The following NKD2 variants were observed in gnomAD, a reference collection of about 807,000 sequenced individuals.
NKD2 encodes the protein NKD inhibitor of Wnt signaling pathway 2, also known as protein naked cuticle homolog 2.
A neutral mutation model predicts 34.8 loss-of-function variants in NKD2; 43 were observed. The ratio of observed to expected loss-of-function variants is 1.24; its 90% CI spans 0.97 to 1.60. The LOEUF is 1.60. NKD2 is among the 40% of genes most tolerant of loss of function. The pLI is 0.00. For missense variants in NKD2, 675 were observed against 627.1 expected (o/e 1.08, Z -0.82); for synonymous variants, 278 against 265.1 (o/e 1.05, Z -0.47).
At position 1,008,961 on chromosome 5, in the gene NKD2, TGCTCCCGGCCCATGCGGCCCCCGCGG is replaced by T. The variant is rs1473014689; in HGVS notation, c.-85_-60del. 2.2e-3 allele frequency: 912 copies of T among 406,958 alleles called. 5 individuals carry two copies. Among genetic ancestry groups the T allele is most frequent in the East Asian group, 2.2e-3 (60 of 27,342 alleles). The allele number at this position is 406,958 out of a possible 1,614,324, so 25.2% of individuals were successfully genotyped here. ...CTCACCTCCTACCGGCACCCTAGCT[TGCTCCCGGCCCATGCGGCCCCCGCGG>T]GCTCCCGGCCCCGGCTTCAGAACTC... On this transcript the variant is annotated 5_prime_UTR_variant, in exon 1 of 10. It removes an upstream start codon present in the reference 5' UTR. Coordinates refer to ENST00000296849, the MANE Select transcript of NKD2 (RefSeq NM_033120.4).
intron 3 of NKD2, among the ~76,000 whole-genome samples, chr5:1,013,597 C>T (rs1312610519): frequency 6.6e-6 from 1 of 152,238 alleles, no homozygotes; most frequent in Non-Finnish European, 1.5e-5. Flanking sequence ...GTTTCTGTGC[C>T]AGCCTGGGCC....
chr5:1,020,669 CTTTTTTT>C (rs576773512), intron 3 of NKD2, among the ~76,000 whole-genome samples: 1 of 114,218 alleles, frequency 8.8e-6, no homozygotes, highest in South Asian at 2.7e-4. Flanking sequence ...TGTTGCTTGT[CTTTTTTT>C]TTTTTTTTTT....
At position 1,038,369 on chromosome 5, in the gene NKD2, C is replaced by A. The variant is rs1407708501; in HGVS notation, c.1352C>A (p.Ser451Tyr). The change falls in exon 10 of 10, where the codon TCC becomes TAC. Residue 451 changes from serine (S) to tyrosine (Y), a missense_variant. By Grantham distance (144) the Ser-to-Tyr change is moderately radical. Coordinates refer to ENST00000296849, the MANE Select transcript of NKD2 (RefSeq NM_033120.4). The surrounding 1 kb of genome is among the most constrained non-coding windows in gnomAD (Gnocchi z 4.5). ...CACCACCACCACCACTTCCACCCGT[C>A]CTAGCGCCACTGCCAAGCACACCTC... ...HHHHHHHFHP[S>Y] 2 of 1,535,880 alleles carry A rather than the reference C, an allele frequency of 1.3e-6. No homozygotes were observed. The highest frequency in any genetic ancestry group is 1.4e-5 in the African/African-American group (1 of 73,168).
At chr5:1,015,607 A>G (rs547409807) in intron 3 of NKD2, among the ~76,000 whole-genome samples, 2 of 152,264 alleles carry the variant, frequency 1.3e-5, no homozygotes, top group Non-Finnish European at 2.9e-5. Flanking sequence ...GGAGTTGGGG[A>G]AGCCTCAGGA....
intron 3 of NKD2, among the ~76,000 whole-genome samples, chr5:1,019,779 T>C (rs1756102981): frequency 6.6e-6 from 1 of 152,118 alleles, no homozygotes; most frequent in Admixed American, 6.5e-5. Flanking sequence ...CGCGGCAGGG[T>C]TCTTTCCAGC....
At position 1,008,978 on chromosome 5, in the gene NKD2, GC is replaced by G; in HGVS notation, c.-75del. The G allele has an allele frequency of 4.8e-6, 2 of 415,904 alleles. No individual in the cohort carries two copies. The highest frequency in any genetic ancestry group is 8.4e-6 in the Non-Finnish European group (2 of 237,836). 25.8% of individuals were successfully genotyped at this position (415,904 alleles called of 1,614,324 possible). A position where few individuals can be genotyped will look rare whatever the true frequency, so the allele number is the denominator to read the frequency against. On this transcript the variant is annotated 5_prime_UTR_variant, in exon 1 of 10. It removes the in-frame stop codon of an upstream open reading frame in the 5' UTR. Coordinates refer to ENST00000296849, the MANE Select transcript of NKD2 (RefSeq NM_033120.4). ...CCCTAGCTTGCTCCCGGCCCATGCG[GC>G]CCCCGCGGGCTCCCGGCCCCGGCTT...
At chr5:1,015,269 C>T (rs1404071878) in intron 3 of NKD2, among the ~76,000 whole-genome samples, 1 of 152,220 alleles carries the variant, frequency 6.6e-6, no homozygotes, top group Non-Finnish European at 1.5e-5. Flanking sequence ...CACAGCCTCC[C>T]TGGCGTGGCC....
At chr5:1,016,522 A>G (rs1158843642) in intron 3 of NKD2, among the ~76,000 whole-genome samples, 2 of 152,264 alleles carry the variant, frequency 1.3e-5, no homozygotes, top group South Asian at 2.1e-4. Context: ...AAAAAGCACG[A>G]AATATTGTAA....
chr5:1,036,745 G>T (rs778046138), intron 9 of NKD2: 6 of 483,720 alleles, frequency 1.2e-5, no homozygotes, highest in African/African-American at 9.8e-5. Context: ...GGAATCACCG[G>T]CTCAGTCAGC....
chr5:1,034,413 G>A lies in NKD2; in HGVS notation c.426+83G>A, dbSNP rs533827465. 668 of 1,128,572 alleles carry A rather than the reference G, an allele frequency of 5.9e-4. 1 individual carries two copies. The African/African-American group carries it at 7.3e-3, about 12-fold the overall frequency. The allele number at this position is 1,128,572 out of a possible 1,614,324, so 69.9% of individuals were successfully genotyped here. On this transcript the variant is annotated intron_variant, in intron 6 of 9. Transcript: ENST00000296849. ...CTGTGCTGGCCTCGCGATACCTCAG[G>A]GGGCAGGAGGGGACCTGCCTGCTGC...
chr5:1,030,069 C>T lies in NKD2; in HGVS notation c.142-2083C>T, dbSNP rs533164087. 2.5e-4 allele frequency among the ~76,000 whole-genome samples: 38 copies of T among 152,010 alleles called. No homozygotes were observed. The South Asian group carries it at 7.5e-3, about 30-fold the overall frequency. On this transcript the variant is annotated intron_variant, in intron 3 of 9. Coordinates refer to ENST00000296849, the MANE Select transcript of NKD2 (RefSeq NM_033120.4). ...GCTTCACCACACAGGTCCCCTGCAC[C>T]CTCCCCACATCCCAGAGGAGAAGGT...
At chr5:1,033,989 G>C (rs1286241743) in intron 5 of NKD2, 4 of 575,656 alleles carry the variant, frequency 6.9e-6, no homozygotes, top group Non-Finnish European at 1.2e-5. Context: ...GCTGAGATAG[G>C]TGTCACTGTG....
intron 3 of NKD2, among the ~76,000 whole-genome samples, chr5:1,021,775 G>A (rs1185451688): frequency 6.6e-6 from 1 of 152,078 alleles, no homozygotes; most frequent in Non-Finnish European, 1.5e-5. Context: ...GCAGACGCCG[G>A]TGGCAGGTTC....
intron 3 of NKD2, among the ~76,000 whole-genome samples, chr5:1,019,985 G>A (rs1319252555): frequency 1.3e-5 from 2 of 152,262 alleles, no homozygotes; most frequent in South Asian, 2.1e-4. Flanking sequence ...GGAAGTTCAG[G>A]GCCCGAGTCG....
chr5:1,010,844 C>A (rs1187213592), intron 3 of NKD2, among the ~76,000 whole-genome samples: 1 of 152,226 alleles, frequency 6.6e-6, no homozygotes, highest in Non-Finnish European at 1.5e-5. Flanking sequence ...AGGGCTTTGG[C>A]CGGCCCCTGT....
At chr5:1,035,518 C>T in intron 8 of NKD2, 45 bp downstream of exon 8, 1 of 1,430,310 alleles carries the variant, frequency 7.0e-7, no homozygotes, top group Non-Finnish European at 9.6e-7. Context: ...TAGGCGGGGG[C>T]ACCCTGGCCA....
At chr5:1,034,974 A>G in intron 7 of NKD2, 71 bp downstream of exon 7, 2 of 1,397,312 alleles carry the variant, frequency 1.4e-6, no homozygotes, top group Non-Finnish European at 1.9e-6. Context: ...TGTGCGCGGG[A>G]CAGGGAGGGA....
chr5:1,027,224 T>G (rs1351178711), intron 3 of NKD2, among the ~76,000 whole-genome samples: 3 of 152,144 alleles, frequency 2.0e-5, no homozygotes, highest in Non-Finnish European at 4.4e-5. Context: ...CCCACCACAG[T>G]GCAAGGTGGC....
intron 6 of NKD2, 86 bp downstream of exon 6, chr5:1,034,416 G>A (rs1041817849): frequency 2.7e-6 from 3 of 1,130,836 alleles, no homozygotes; most frequent in South Asian, 1.3e-5. Context: ...ACCTCAGGGG[G>A]CAGGAGGGGA....
Sources: gnomAD v4.1 joint callset for allele counts (sites outside exome capture counted in the v4.1 genomes callset) on GRCh38, gnomAD v4.1.1 for gene constraint, Gnocchi (gnomAD v3.1) non-coding constraint, MANE v1.5 for transcripts, NCBI Gene and HGNC (gene_info 2026-07-23, HGNC 2026-07-21) for gene names.